Variants in FBN3 observed in about 807,000 individuals in gnomAD.
FBN3 encodes fibrillin 3.
Under a neutral mutation model 330.1 loss-of-function variants are expected in FBN3, and 234 were observed. The ratio of observed to expected loss-of-function variants is 0.71; its 90% CI spans 0.64 to 0.79. The LOEUF is 0.79. FBN3 is among the 30% of genes least tolerant of loss of function. The pLI is 0.00. For missense variants in FBN3, 3,606 were observed against 3,886.9 expected, an observed-to-expected ratio of 0.93 and a Z score of 1.92; for synonymous variants, 1,458 against 1,517.3, an observed-to-expected ratio of 0.96 and a Z score of 0.91.
chr19:8,120,437 T>C (rs2082818343), intron 25 of FBN3, among the ~76,000 whole-genome samples: 1 of 151,772 alleles, frequency 6.6e-6, no homozygotes, highest in South Asian at 2.1e-4. Flanking sequence ...CCCAAAGTGC[T>C]GGGATTACAG....
rs1177169416 is a variant in FBN3, at chr19:8,079,470, C to T, written c.7453+1533G>A. 1.4e-4 allele frequency among the ~76,000 whole-genome samples: 21 copies of T among 152,078 alleles called. 1 individual carries two copies. The highest frequency in any genetic ancestry group is 1.4e-3 in the Admixed American group (21 of 15,250). ...ACAACATAACCAAAAACAACCACCA[C>T]CAAACCTCTCCCTACCCTCCAAAAC... On this transcript the variant is annotated intron_variant, in intron 59 of 63. Transcript: ENST00000600128.
intron 18 of FBN3, among the ~76,000 whole-genome samples, chr19:8,127,056 T>TG (rs1555748573): frequency 4.5e-5 from 5 of 111,286 alleles, no homozygotes; most frequent in East Asian, 2.8e-4. Context: ...CTGTTTTTTT[T>TG]TTGTTTTTTT....
chr19:8,094,410 C>A, intron 47 of FBN3, 36 bp downstream of exon 47: 1 of 1,582,644 alleles, frequency 6.3e-7, no homozygotes, highest in Non-Finnish European at 8.6e-7. Context: ...GAGGCACTCC[C>A]TGGCGCCAGA....
chr19:8,115,482 C>G, intron 30 of FBN3, 33 bp downstream of exon 30: 1 of 1,609,746 alleles, frequency 6.2e-7, no homozygotes, highest in Non-Finnish European at 8.5e-7. Context: ...CCCGGGGAGT[C>G]CCCTCTGCCT....
intron 13 of FBN3, among the ~76,000 whole-genome samples, chr19:8,133,969 G>A (rs1294278857): frequency 3.3e-5 from 5 of 150,686 alleles, no homozygotes; most frequent in South Asian, 2.1e-4. Context: ...GTTCACGCCC[G>A]TAATCCCAGC....
In FBN3 at chr19:8,131,325, G is replaced by C; in HGVS notation, c.1991-37C>G. Reference sequence around the variant, plus strand: ...GGGACAGAGTGAGACGGGTCAGGGAGCTTAGCCATGGCTCGGATTCAGCCA... The same window carrying C: ...GGGACAGAGTGAGACGGGTCAGGGACCTTAGCCATGGCTCGGATTCAGCCA... On this transcript the variant is annotated intron_variant, in intron 15 of 63. Transcript: ENST00000600128. The surrounding 1 kb of genome is among the most constrained non-coding windows in gnomAD (Gnocchi z 4.5). The C allele has an allele frequency of 6.2e-7, 1 of 1,605,022 alleles. No homozygotes were observed.
intron 36 of FBN3, among the ~76,000 whole-genome samples, chr19:8,108,665 G>A (rs894790806): frequency 6.6e-6 from 1 of 152,026 alleles, no homozygotes; most frequent in Non-Finnish European, 1.5e-5. Context: ...TTTCACACCT[G>A]AGGCCTTTGC....
intron 61 of FBN3, 129 bp from the exon 62 acceptor site, chr19:8,073,426 G>A: frequency 1.4e-6 from 1 of 739,004 alleles, no homozygotes. Flanking sequence ...TCTTCAGCAA[G>A]CTGGCAGTGA....
At position 8,096,948 on chromosome 19, in the gene FBN3, G is replaced by A; in HGVS notation, c.5346C>T (p.Asn1782=). 2 of 1,613,820 alleles carry A rather than the reference G, an allele frequency of 1.2e-6. No individual in the cohort carries two copies. Among genetic ancestry groups the A allele is most frequent in the Non-Finnish European group, 1.7e-6 (2 of 1,180,000 alleles). ...ACTTGCAGCGGTAGCTACCGGGGAT[G>A]TTGATGCAGTCAGCATTCTGCTGGC... ...SPCQQNADCI[N]IPGSYRCKCT... Residue 1782 remains asparagine (N), a synonymous_variant, in exon 43 of 64, where the codon AAC becomes AAT. Transcript: ENST00000600128. This position sits in a 1 kb window ranked among gnomAD's most constrained non-coding sequence, Gnocchi z 4.6.
At chr19:8,140,756 A>C (rs1356543904) in intron 8 of FBN3, among the ~76,000 whole-genome samples, 1 of 151,900 alleles carries the variant, frequency 6.6e-6, no homozygotes, top group Non-Finnish European at 1.5e-5. Flanking sequence ...CTGATTCCAA[A>C]GCCTATGTTC....
chr19:8,123,653 T>C, intron 23 of FBN3, 64 bp from the exon 24 acceptor site: 2 of 1,604,624 alleles, frequency 1.2e-6, no homozygotes, highest in Non-Finnish European at 1.7e-6. Context: ...CACCAAGCCC[T>C]CCCTGGGTTC....
At position 8,081,365 on chromosome 19, in the gene FBN3, G is replaced by A; in HGVS notation, c.7329C>T (p.Thr2443=). ...GAGTTGAAAGGACATCACCTTTGCAGGTCCTGCCATCCTCCTCCAGCAGGT... is the reference window on the plus strand; with the variant it reads ...GAGTTGAAAGGACATCACCTTTGCAAGTCCTGCCATCCTCCTCCAGCAGGT... The part of the protein sequence containing the change: ...RGYLLEEDGR[T]CKDLDECTSR... Residue 2443 remains threonine, a synonymous_variant, in exon 58 of 64, where the codon ACC becomes ACT. Coordinates refer to ENST00000600128, the MANE Select transcript of FBN3 (RefSeq NM_032447.5). The A allele has an allele frequency of 6.2e-7, 1 of 1,602,938 alleles. No homozygotes were observed. The highest frequency in any genetic ancestry group is 1.1e-5 in the South Asian group (1 of 88,850).
intron 18 of FBN3, among the ~76,000 whole-genome samples, chr19:8,127,671 C>T (rs1408291247): frequency 6.6e-6 from 1 of 152,170 alleles, no homozygotes; most frequent in Admixed American, 6.5e-5. Flanking sequence ...ACTTAACTTA[C>T]GTTTACTAGT....
intron 8 of FBN3, among the ~76,000 whole-genome samples, chr19:8,139,436 G>A (rs760994677): frequency 3.3e-5 from 5 of 152,222 alleles, no homozygotes; most frequent in Admixed American, 2.0e-4. Flanking sequence ...CCAAGTTATC[G>A]CACAGAGGTA....
Position 8,129,937 on chromosome 19 carries a change from G to A in FBN3, c.2045-572C>T, listed in dbSNP as rs1307556682. 2.0e-5 allele frequency among the ~76,000 whole-genome samples: 3 copies of A among 151,346 alleles called. No individual in the cohort carries two copies. The highest frequency in any genetic ancestry group is 4.0e-4 in the East Asian group (2 of 5,062). On this transcript the variant is annotated intron_variant, in intron 16 of 63. Coordinates refer to ENST00000600128, the MANE Select transcript of FBN3 (RefSeq NM_032447.5). This position sits in a 1 kb window ranked among gnomAD's most constrained non-coding sequence, Gnocchi z 4.5. ...TTTTGAGATAGGGTCTCACTCTGTC[G>A]CACAGGCTGGAGTGCAGTGGTGCGA... is the stretch of plus-strand genomic sequence containing the variant.
chr19:8,085,158 C>A (rs2081907348), intron 56 of FBN3, among the ~76,000 whole-genome samples: 1 of 151,930 alleles, frequency 6.6e-6, no homozygotes, highest in African/African-American at 2.4e-5. Context: ...GCTCCCTCAA[C>A]CCCCCGAGTT....
intron 55 of FBN3, 113 bp from the exon 56 acceptor site, chr19:8,085,682 C>G: frequency 1.3e-6 from 1 of 778,252 alleles, no homozygotes; most frequent in Non-Finnish European, 2.0e-6. Flanking sequence ...ACAGGGGTGT[C>G]CAGGAGGGAG....
At chr19:8,086,986 A>G in intron 54 of FBN3, 91 bp downstream of exon 54, 11 of 1,461,072 alleles carry the variant, frequency 7.5e-6, no homozygotes, top group Non-Finnish European at 1.0e-5. Context: ...GATGACAGGT[A>G]TGAGTCACCG....
intron 1 of FBN3, chr19:8,148,880 A>G (rs927743453): frequency 2.6e-5 from 4 of 152,268 alleles, no homozygotes; most frequent in African/African-American, 9.7e-5. Context: ...GTGGACTCCA[A>G]GCAGCCTCGG....
Sources: allele counts gnomAD v4.1 joint callset (sites outside exome capture counted in the v4.1 genomes callset), GRCh38; gene constraint gnomAD v4.1.1; non-coding constraint Gnocchi (gnomAD v3.1); transcripts MANE v1.5; gene names NCBI Gene and HGNC (gene_info 2026-07-23, HGNC 2026-07-21).